Variants in STXBP5L observed in about 807,000 individuals in gnomAD.
The protein encoded by STXBP5L is syntaxin binding protein 5L, also known as syntaxin-binding protein 5-like.
STXBP5L carries 65 observed loss-of-function variants against 144.5 expected under a neutral mutation model. The observed-to-expected ratio is 0.45, with a 90% CI of 0.37 to 0.55. The LOEUF is 0.55. STXBP5L is among the 20% of genes least tolerant of loss of function. The pLI, the probability that STXBP5L is intolerant of heterozygous loss-of-function variation, is 0.00. For synonymous variants in STXBP5L, 505 were observed against 469.6 expected, an observed-to-expected ratio of 1.08 and a Z score of -0.97; for missense variants, 1,298 against 1,405.5, an observed-to-expected ratio of 0.92 and a Z score of 1.22.
At chr3:121,041,861 T>C in intron 4 of STXBP5L, 80 bp downstream of exon 4, 1 of 941,730 alleles carries the variant, frequency 1.1e-6, no homozygotes, top group Non-Finnish European at 1.7e-6. Context: ...TTTTAAATAC[T>C]GTGATTCTAA....
intron 10 of STXBP5L, among the ~76,000 whole-genome samples, chr3:121,221,496 G>T (rs1248756230): frequency 3.3e-5 from 5 of 151,464 alleles, no homozygotes; most frequent in Non-Finnish European, 1.5e-5. Context: ...TTAATATTAT[G>T]AAAAGATACT....
At chr3:121,366,560 C>G (rs1009751914) in intron 20 of STXBP5L, among the ~76,000 whole-genome samples, 1 of 151,802 alleles carries the variant, frequency 6.6e-6, no homozygotes, top group African/African-American at 2.4e-5. Flanking sequence ...ATATGGCTAC[C>G]CCACTCTGTT....
intron 20 of STXBP5L, among the ~76,000 whole-genome samples, chr3:121,370,384 A>T (rs571028998): frequency 1.3e-5 from 2 of 151,552 alleles, no homozygotes; most frequent in African/African-American, 4.8e-5. Flanking sequence ...AGTGTATAGC[A>T]CCTCCCCCAT....
chr3:121,378,890 T>A lies in STXBP5L; in HGVS notation c.2347+4T>A, dbSNP rs1342626034. The A allele has an allele frequency of 2.5e-6, 4 of 1,603,674 alleles. No homozygotes were observed. The highest frequency in any genetic ancestry group is 3.4e-6 in the Non-Finnish European group (4 of 1,174,720). On this transcript the variant is annotated splice_donor_region_variant and intron_variant, in intron 21 of 26. Transcript: ENST00000471454. ...TCTTTACCAGTTACAACAGAAGGTA[T>A]GTTAAACATATTAAATTTTTTTGTT...
At chr3:120,928,653 TGTGTGTGTGTGTG>T in intron 2 of STXBP5L, among the ~76,000 whole-genome samples, 1 of 123,954 alleles carries the variant, frequency 8.1e-6, no homozygotes, top group South Asian at 2.5e-4. Context: ...TGTGTGTGTG[TGTGTGTGTGTGTG>T]TGTGTGTGTG....
At chr3:121,194,627 G>A (rs1164397207) in intron 9 of STXBP5L, among the ~76,000 whole-genome samples, 2 of 151,846 alleles carry the variant, frequency 1.3e-5, no homozygotes, top group Non-Finnish European at 2.9e-5. Context: ...TTTTTTGGAG[G>A]GTTTGTGAAA....
chr3:121,105,481 A>G (rs1354105004), intron 5 of STXBP5L, among the ~76,000 whole-genome samples: 1 of 152,164 alleles, frequency 6.6e-6, no homozygotes, highest in East Asian at 1.9e-4. Flanking sequence ...ATTATCAGGG[A>G]AATGCAAATC....
chr3:120,970,720 A>AT (rs1341784866), intron 3 of STXBP5L, among the ~76,000 whole-genome samples: 6 of 152,060 alleles, frequency 3.9e-5, no homozygotes, highest in Non-Finnish European at 7.4e-5. Flanking sequence ...AGATTTTGGA[A>AT]TTTTTAAACC....
chr3:121,087,623 TTC>T (rs2042560983), intron 5 of STXBP5L, among the ~76,000 whole-genome samples: 1 of 152,074 alleles, frequency 6.6e-6, no homozygotes, highest in Non-Finnish European at 1.5e-5. Context: ...TTTTAATTCA[TTC>T]TGTCAGTCTA....
intron 10 of STXBP5L, among the ~76,000 whole-genome samples, chr3:121,214,864 AACTT>A (rs2048715340): frequency 6.6e-6 from 1 of 151,938 alleles, no homozygotes; most frequent in South Asian, 2.1e-4. Context: ...GGTCTCTAAG[AACTT>A]ACTTTATGAA....
At chr3:121,355,475 A>G (rs1237406598) in intron 20 of STXBP5L, among the ~76,000 whole-genome samples, 1 of 152,076 alleles carries the variant, frequency 6.6e-6, no homozygotes, top group Non-Finnish European at 1.5e-5. Context: ...ACTTGATCGA[A>G]TCAGCTATTG....
chr3:121,006,020 T>C (rs991087300), intron 3 of STXBP5L, among the ~76,000 whole-genome samples: 7 of 152,308 alleles, frequency 4.6e-5, no homozygotes, highest in Admixed American at 1.3e-4. Context: ...GAAAAGAATG[T>C]GTATTCTGAT....
At chr3:121,347,065 T>C (rs919206961) in intron 20 of STXBP5L, among the ~76,000 whole-genome samples, 34 of 152,070 alleles carry the variant, frequency 2.2e-4, no homozygotes, top group African/African-American at 6.0e-4. Flanking sequence ...AGGTTTTCTT[T>C]TAGGGTTTTT....
chr3:121,324,253 T>A (rs1371521394), intron 20 of STXBP5L, among the ~76,000 whole-genome samples: 1 of 152,182 alleles, frequency 6.6e-6, no homozygotes, highest in African/African-American at 2.4e-5. Context: ...CAGCCTAGTT[T>A]GAATGCTCCT....
chr3:121,036,772 A>ATTTTTT lies in STXBP5L; in HGVS notation c.288-4913_288-4908dup, dbSNP rs3863971. Among the ~76,000 whole-genome samples the ATTTTTT allele has an allele frequency of 1.8e-3, 220 of 122,078 alleles. 2 individuals are homozygous for ATTTTTT. The highest frequency in any genetic ancestry group is 4.4e-3 in the Middle Eastern group (1 of 226). 80.1% of individuals were successfully genotyped at this position (122,078 alleles called of 152,430 possible). ...TTGATAGGATGACTTACATTGATTG[A>ATTTTTT]TTTTTTTTTTTTTTTTTTTTATTAT... is the stretch of plus-strand genomic sequence containing the variant. On this transcript the variant is annotated intron_variant, in intron 3 of 26. Coordinates refer to ENST00000471454, the MANE Select transcript of STXBP5L (RefSeq NM_001308330.2).
At chr3:120,933,328 A>G (rs1004822096) in intron 2 of STXBP5L, among the ~76,000 whole-genome samples, 6 of 152,160 alleles carry the variant, frequency 3.9e-5, no homozygotes, top group Non-Finnish European at 8.8e-5. Flanking sequence ...ACATTAGCTG[A>G]CGCAGTTATT....
At chr3:121,302,133 C>T (rs972984188) in intron 19 of STXBP5L, among the ~76,000 whole-genome samples, 1 of 152,174 alleles carries the variant, frequency 6.6e-6, no homozygotes, top group Non-Finnish European at 1.5e-5. Context: ...ACCAGCTCCT[C>T]CTTGTACCTC....
chr3:120,994,077 T>A (rs1485225780), intron 3 of STXBP5L, among the ~76,000 whole-genome samples: 1 of 152,096 alleles, frequency 6.6e-6, no homozygotes, highest in Non-Finnish European at 1.5e-5. Context: ...CTGTCTCAAT[T>A]TCTTTTTCAG....
intron 20 of STXBP5L, among the ~76,000 whole-genome samples, chr3:121,343,426 G>T (rs897284951): frequency 1.3e-5 from 2 of 152,106 alleles, no homozygotes; most frequent in African/African-American, 2.4e-5. Flanking sequence ...GGAAATAAAG[G>T]TTATTCATTT....
Sources: allele counts gnomAD v4.1 joint callset (sites outside exome capture counted in the v4.1 genomes callset), GRCh38; gene constraint gnomAD v4.1.1; transcripts MANE v1.5; gene names NCBI Gene and HGNC (gene_info 2026-07-23, HGNC 2026-07-21).